ANK1: variants seen among roughly 807,000 people sequenced by gnomAD.
ANK1 encodes ankyrin-1.
In ANK1, 51 loss-of-function variants were observed where a neutral mutation model predicts 210.4. That is an observed-to-expected ratio of 0.24 (90% CI 0.19 to 0.31). The LOEUF is 0.31. Among genes scored for constraint, ANK1 ranks in the 10% least tolerant of loss-of-function variants. The pLI is 1.00. For synonymous variants in ANK1, 967 were observed against 1,025.9 expected (o/e 0.94, Z 1.10); for missense variants, 2,051 against 2,504.4 (o/e 0.82, Z 3.86).
chr8:41,676,279 T>G (rs1267550975), intron 37 of ANK1, among the ~76,000 whole-genome samples: 2 of 152,228 alleles, frequency 1.3e-5, no homozygotes, highest in African/African-American at 4.8e-5. Context: ...TTTTAACCAT[T>G]CTTTTAGGTA....
chr8:41,886,674 G>A (rs951400395), intron 1 of ANK1, among the ~76,000 whole-genome samples: 2 of 152,182 alleles, frequency 1.3e-5, no homozygotes, highest in African/African-American at 2.4e-5. Context: ...AGCAAGTGAA[G>A]GCACACATTT....
chr8:41,840,664 C>T lies in ANK1; in HGVS notation c.126+55691G>A, dbSNP rs12682396. On this transcript the variant is annotated intron_variant, in intron 1 of 42. Transcript: ENST00000265709. ...CTTCGTCTTCTAAGAAGTCCCATCA[C>T]GGGAGCTCTACCCTCATGGCTCAAT... 4.5e-3 allele frequency among the ~76,000 whole-genome samples: 692 copies of T among 152,278 alleles called. 4 individuals are homozygous for T. The highest frequency in any genetic ancestry group is 0.028 in the East Asian group (146 of 5,182).
chr8:41,859,718 G>A (rs1812913900), intron 1 of ANK1, among the ~76,000 whole-genome samples: 1 of 152,126 alleles, frequency 6.6e-6, no homozygotes, highest in Non-Finnish European at 1.5e-5. Flanking sequence ...TTTCTTCCTC[G>A]GCTATGTTGC....
chr8:41,692,749 C>G lies in ANK1; in HGVS notation c.3757G>C (p.Glu1253Gln). Residue 1253 changes from glutamate to glutamine, a missense_variant, in exon 31 of 43, where the codon GAG becomes CAG. By Grantham distance (29) the Glu-to-Gln change is conservative (BLOSUM62 2). Transcript: ENST00000289734. The part of the protein sequence containing the change: ...VIFAKMNDPR[E>Q]GRLRCYCMTD... Reference sequence around the variant, plus strand: ...ATGCAGTAGCAGCGCAGGCGCCCCTCTCGGGGGTCATTCATCTTGGCAAAG... The same window carrying G: ...ATGCAGTAGCAGCGCAGGCGCCCCTGTCGGGGGTCATTCATCTTGGCAAAG... 6.2e-7 allele frequency: 1 copy of G among 1,614,108 alleles called. No individual in the cohort carries two copies. The highest frequency in any genetic ancestry group is 8.5e-7 in the Non-Finnish European group (1 of 1,180,036).
At position 41,840,846 on chromosome 8, in the gene ANK1, C is replaced by T. The variant is rs559651002; in HGVS notation, c.126+55509G>A. On this transcript the variant is annotated intron_variant, in intron 1 of 42. Transcript: ENST00000265709. ...GAAAAGAGTGGCCCGCTTGAAACGTCGGTAATCCTTCCTTTCACCTCATGC... is the reference window on the plus strand; with the variant it reads ...GAAAAGAGTGGCCCGCTTGAAACGTTGGTAATCCTTCCTTTCACCTCATGC... Among the ~76,000 whole-genome samples, 14 of 152,270 alleles carry T rather than the reference C, an allele frequency of 9.2e-5. No homozygotes were observed. In the South Asian group the frequency reaches 1.0e-3, roughly 11 times the overall value.
chr8:41,694,715 C>T lies in ANK1; in HGVS notation c.3204G>A (p.Arg1068=). 6.2e-7 allele frequency: 1 copy of T among 1,614,202 alleles called. No individual in the cohort carries two copies. Among genetic ancestry groups the T allele is most frequent in the Non-Finnish European group, 8.5e-7 (1 of 1,180,040 alleles). The change falls in exon 28 of 43, where the codon CGG becomes CGA. Residue 1068 remains arginine, a synonymous_variant. Coordinates refer to ENST00000289734, the MANE Select transcript of ANK1 (RefSeq NM_000037.4). The surrounding 1 kb of genome is among the most constrained non-coding windows in gnomAD (Gnocchi z 5.7). ...CGATGGTGTCGTAGTCCTGGCAGAG[C>T]CGTGACATGATCACGAAGTACAGCG... ...DFPLYFVIMS[R]LCQDYDTIGP... is the part of the protein sequence containing the mutation.
intron 38 of ANK1, among the ~76,000 whole-genome samples, chr8:41,671,131 C>G (rs1046797803): frequency 5.3e-5 from 8 of 152,212 alleles, no homozygotes; most frequent in Non-Finnish European, 8.8e-5. Flanking sequence ...ATCACCTTCT[C>G]CTGACCTGCC....
chr8:41,841,236 C>G (rs1017256488), intron 1 of ANK1, among the ~76,000 whole-genome samples: 1 of 152,170 alleles, frequency 6.6e-6, no homozygotes, highest in African/African-American at 2.4e-5. Flanking sequence ...TGAGGGAAAT[C>G]CTACTGGGAA....
rs1808148149 is a variant in ANK1, at chr8:41,661,465, G to T, written c.*1C>A. The T allele has an allele frequency of 6.2e-7, 1 of 1,613,910 alleles. No homozygotes were observed. Among genetic ancestry groups the T allele is most frequent in the Admixed American group, 1.7e-5 (1 of 60,002 alleles). On this transcript the variant is annotated 3_prime_UTR_variant, in exon 42 of 43. Coordinates refer to ENST00000289734, the MANE Select transcript of ANK1 (RefSeq NM_000037.4). Reference sequence around the variant, plus strand: ...GCTACTCCAAGGAGAGCGGCTCGGGGTCACTGTTTCCCCCTTTTCAGGCTG... The same window carrying T: ...GCTACTCCAAGGAGAGCGGCTCGGGTTCACTGTTTCCCCCTTTTCAGGCTG...
chr8:41,881,995 T>G (rs1817677127), intron 1 of ANK1, among the ~76,000 whole-genome samples: 1 of 152,084 alleles, frequency 6.6e-6, no homozygotes. Context: ...GAAAATGACA[T>G]GAATTTCAAA....
chr8:41,875,729 G>C (rs1443584708), intron 1 of ANK1, among the ~76,000 whole-genome samples: 1 of 152,192 alleles, frequency 6.6e-6, no homozygotes, highest in East Asian at 1.9e-4. Flanking sequence ...CGCTTTGCAG[G>C]GGGAGGACAA....
intron 11 of ANK1, 151 bp from the exon 12 acceptor site, chr8:41,717,853 G>C (rs1395709771): frequency 4.3e-6 from 4 of 922,420 alleles, no homozygotes; most frequent in Non-Finnish European, 5.1e-6. Flanking sequence ...AATGGTTGGA[G>C]AAAAAAATTA....
At position 41,838,504 on chromosome 8, in the gene ANK1, G is replaced by A. The variant is rs374676792; in HGVS notation, c.126+57851C>T. Among the ~76,000 whole-genome samples the A allele has an allele frequency of 5.2e-3, 787 of 152,314 alleles. 10 individuals carry two copies. The highest frequency in any genetic ancestry group is 0.018 in the African/African-American group (751 of 41,570). On this transcript the variant is annotated intron_variant, in intron 1 of 42. Coordinates refer to the ANK1 transcript ENST00000265709. ...CAATGGGCTGGGCATGGTGGCTCACGTCTGTAATTGCAGCACTTTGGGAGG... is the reference window on the plus strand; with the variant it reads ...CAATGGGCTGGGCATGGTGGCTCACATCTGTAATTGCAGCACTTTGGGAGG...
rs1827233140 is a variant in ANK1, at chr8:41,715,024, C to T, written c.1653G>A (p.Val551=). The T allele has an allele frequency of 1.9e-6, 3 of 1,614,010 alleles. No individual in the cohort carries two copies. The highest frequency in any genetic ancestry group is 1.6e-4 in the Middle Eastern group (1 of 6,082). The change falls in exon 15 of 43, where the codon GTG becomes GTA. Residue 551 remains valine (V), a synonymous_variant. Transcript: ENST00000289734. ...HVAAKYGKVR[V]AELLLERDAH... The stretch of plus-strand genomic sequence containing the variant: ...CGTCCCGCTCCAGCAGCAGCTCTGC[C>T]ACCCGCACCTTCCCGTACTTGGCCG...
chr8:41,738,295 A>G (rs1833924074), intron 2 of ANK1, among the ~76,000 whole-genome samples: 1 of 152,198 alleles, frequency 6.6e-6, no homozygotes, highest in Non-Finnish European at 1.5e-5. Flanking sequence ...GATACAACAG[A>G]TGCACAAACA....
rs781424275 is a variant in ANK1 at position 41,694,689 on chromosome 8, C to T, written c.3230G>A (p.Gly1077Asp). ...SRLCQDYDTI[G>D]PEGGSLKSKL... ...GCTCTTCAGGGAGCCCCCTTCGGGA[C>T]CGATGGTGTCGTAGTCCTGGCAGAG... Residue 1077 changes from glycine to aspartate, a missense_variant, in exon 28 of 43, where the codon GGT (glycine) becomes GAT (aspartate). This residue lies in a region of ANK1 where 1,413 missense variants were observed against 1,707.4 expected (regional missense o/e 0.83). Coordinates refer to ENST00000289734, the MANE Select transcript of ANK1 (RefSeq NM_000037.4). This position sits in a 1 kb window ranked among gnomAD's most constrained non-coding sequence, Gnocchi z 5.7. The T allele has an allele frequency of 1.2e-6, 2 of 1,614,186 alleles. No homozygotes were observed. The highest frequency in any genetic ancestry group is 1.1e-5 in the South Asian group (1 of 91,082).
At chr8:41,808,886 C>T (rs1851367755) in intron 1 of ANK1, among the ~76,000 whole-genome samples, 1 of 152,122 alleles carries the variant, frequency 6.6e-6, no homozygotes, top group African/African-American at 2.4e-5. Context: ...ATTTCTGAGG[C>T]CTTATTGGGC....
intron 2 of ANK1, among the ~76,000 whole-genome samples, chr8:41,755,610 G>A (rs1229174977): frequency 6.6e-6 from 1 of 152,174 alleles, no homozygotes; most frequent in African/African-American, 2.4e-5. Flanking sequence ...CCTATGGGGG[G>A]CTGGGGCAAC....
At chr8:41,774,106 AC>A (rs1843521190) in intron 1 of ANK1, among the ~76,000 whole-genome samples, 1 of 152,158 alleles carries the variant, frequency 6.6e-6, no homozygotes, top group South Asian at 2.1e-4. Flanking sequence ...TTCTGGGACC[AC>A]CCAGGACCCC....
Sources: gnomAD v4.1 joint callset for allele counts (sites outside exome capture counted in the v4.1 genomes callset) on GRCh38, gnomAD v4.1.1 for gene constraint, gnomAD v4.1.1 regional missense constraint, Gnocchi (gnomAD v3.1) non-coding constraint, MANE v1.5 for transcripts, NCBI Gene and HGNC (gene_info 2026-07-23, HGNC 2026-07-21) for gene names.